Variants in CACNA1C observed in about 807,000 individuals in gnomAD.
CACNA1C encodes voltage-dependent L-type calcium channel subunit alpha-1C.
CACNA1C carries 30 observed loss-of-function variants against 229.0 expected under a neutral mutation model. The ratio of observed to expected loss-of-function variants is 0.13; its 90% CI spans 0.10 to 0.18. CACNA1C has a LOEUF of 0.18. CACNA1C is among the 10% of genes least tolerant of loss of function. The pLI is 1.00. For missense variants in CACNA1C, 1,658 were observed against 2,845.0 expected, an observed-to-expected ratio of 0.58 and a Z score of 9.49; for synonymous variants, 1,114 against 1,132.5, an observed-to-expected ratio of 0.98 and a Z score of 0.33.
rs536588948 is a variant in CACNA1C at position 2,044,114 on chromosome 12, C to G, written c.140-71110C>G. Among the ~76,000 whole-genome samples the G allele has an allele frequency of 6.0e-4, 92 of 152,098 alleles. 4 individuals are homozygous for G. In the South Asian group the frequency reaches 0.018, roughly 30 times the overall value. ...CAAAAAATCATTATGTAAGCAGGAC[C>G]GAACATGACAAAGGCAGAAAATTTG... On this transcript the variant is annotated intron_variant, in intron 1 of 46. Transcript: ENST00000682462.
At chr12:2,072,805 A>C (rs1388180800) in intron 1 of CACNA1C, among the ~76,000 whole-genome samples, 1 of 152,228 alleles carries the variant, frequency 6.6e-6, no homozygotes, top group Non-Finnish European at 1.5e-5. Context: ...AGGGAACCGA[A>C]GACAGGGCAG....
chr12:2,454,917 G>A (rs1230481579), intron 4 of CACNA1C, among the ~76,000 whole-genome samples: 4 of 152,170 alleles, frequency 2.6e-5, no homozygotes, highest in African/African-American at 4.8e-5. Flanking sequence ...CTGACAATGC[G>A]CCTTCTCACT....
In CACNA1C at chr12:2,646,635, CG is replaced by C. The variant is rs1343796730; in HGVS notation, c.3913-1836del. ...GGGAGCTCAAGCACTGGGCCAGGAG[CG>C]GGGCAGAAAGGTGCCAGTGGATAGC... On this transcript the variant is annotated intron_variant, in intron 30 of 46. Transcript: ENST00000399655. The surrounding 1 kb of genome is among the most constrained non-coding windows in gnomAD (Gnocchi z 4.6). 9 of 152,172 alleles carry C rather than the reference CG, an allele frequency of 5.9e-5. No individual in the cohort carries two copies. Among genetic ancestry groups the C allele is most frequent in the African/African-American group, 2.2e-4 (9 of 41,412 alleles). 9.4% of individuals were successfully genotyped at this position (152,172 alleles called of 1,614,324 possible).
chr12:2,156,805 C>G (rs555735595), intron 3 of CACNA1C, among the ~76,000 whole-genome samples: 2 of 152,224 alleles, frequency 1.3e-5, no homozygotes, highest in South Asian at 4.1e-4. Context: ...ATGTCCATTT[C>G]TCCCCCAGCA....
chr12:2,578,160 G>A (rs552019404), intron 13 of CACNA1C, among the ~76,000 whole-genome samples: 66 of 152,320 alleles, frequency 4.3e-4, no homozygotes, highest in South Asian at 1.5e-3. Flanking sequence ...GAGCCACCGC[G>A]CCCGGCCAGA....
chr12:2,416,328 A>G (rs1417384696), intron 3 of CACNA1C, among the ~76,000 whole-genome samples: 1 of 152,132 alleles, frequency 6.6e-6, no homozygotes, highest in African/African-American at 2.4e-5. Context: ...TCTATCGGAA[A>G]GGAAAAGGAA....
intron 3 of CACNA1C, among the ~76,000 whole-genome samples, chr12:2,256,365 C>T (rs1250102641): frequency 1.3e-5 from 2 of 152,196 alleles, no homozygotes; most frequent in Non-Finnish European, 2.9e-5. Flanking sequence ...AACTGTTTTG[C>T]TAAGTCTAGC....
At chr12:2,526,285 T>A (rs181953855) in intron 9 of CACNA1C, among the ~76,000 whole-genome samples, 14 of 152,224 alleles carry the variant, frequency 9.2e-5, no homozygotes, top group Non-Finnish European at 1.5e-5. Context: ...CCCTACCCCA[T>A]GTGGGGGCTG....
chr12:2,540,355 C>T (rs889330491), intron 9 of CACNA1C, among the ~76,000 whole-genome samples: 3 of 152,020 alleles, frequency 2.0e-5, no homozygotes, highest in South Asian at 2.1e-4. Flanking sequence ...TCACCGACTC[C>T]GGAGTCACAG....
intron 3 of CACNA1C, among the ~76,000 whole-genome samples, chr12:2,164,369 G>C (rs1382826827): frequency 2.0e-5 from 3 of 152,216 alleles, no homozygotes. Flanking sequence ...CCAGAGACCA[G>C]GTTTTGTTGC....
At chr12:2,448,111 T>A (rs2099317416) in intron 3 of CACNA1C, among the ~76,000 whole-genome samples, 1 of 152,198 alleles carries the variant, frequency 6.6e-6, no homozygotes, top group African/African-American at 2.4e-5. Flanking sequence ...CGTGCATGAA[T>A]CAGCACAGAG....
At chr12:2,301,906 C>G (rs977724430) in intron 3 of CACNA1C, among the ~76,000 whole-genome samples, 2 of 152,156 alleles carry the variant, frequency 1.3e-5, no homozygotes, top group African/African-American at 2.4e-5. Context: ...TGAGAGGAGA[C>G]TCGTGGGCAG....
Position 2,597,445 on chromosome 12 carries a change from C to A in CACNA1C, c.2853+156C>A. On this transcript the variant is annotated intron_variant, in intron 21 of 46. Coordinates refer to ENST00000399655, the MANE Select transcript of CACNA1C (RefSeq NM_000719.7). This position sits in a 1 kb window ranked among gnomAD's most constrained non-coding sequence, Gnocchi z 4.3. ...TTATGCTTATTTTTCAGATCCTAGG[C>A]AATGCAGACTATGTCTTCACTAGTA... The A allele has an allele frequency of 6.2e-7, 1 of 1,609,214 alleles. No individual in the cohort carries two copies. The highest frequency in any genetic ancestry group is 1.1e-5 in the South Asian group (1 of 90,974).
intron 3 of CACNA1C, among the ~76,000 whole-genome samples, chr12:2,378,564 G>A (rs1174929671): frequency 1.3e-5 from 2 of 152,192 alleles, no homozygotes; most frequent in African/African-American, 2.4e-5. Context: ...CAAGAGGGGA[G>A]CAGTTGTCTA....
At chr12:2,494,915 G>A (rs1235779561) in intron 7 of CACNA1C, among the ~76,000 whole-genome samples, 1 of 152,176 alleles carries the variant, frequency 6.6e-6, no homozygotes, top group Non-Finnish European at 1.5e-5. Context: ...TGCCAGGGGT[G>A]CTCCTAGGCT....
At chr12:2,043,682 T>A (rs1420227593) in intron 1 of CACNA1C, among the ~76,000 whole-genome samples, 25 of 131,432 alleles carry the variant, frequency 1.9e-4, no homozygotes, top group African/African-American at 7.1e-4. Context: ...AGAGTCTCGC[T>A]CTGTCGCCCA....
intron 12 of CACNA1C, among the ~76,000 whole-genome samples, chr12:2,567,077 G>A (rs1028063904): frequency 6.6e-6 from 1 of 152,184 alleles, no homozygotes; most frequent in Non-Finnish European, 1.5e-5. Flanking sequence ...CTAGACGAGG[G>A]TCCCACTAGC....
intron 38 of CACNA1C, among the ~76,000 whole-genome samples, chr12:2,670,325 G>A (rs1399388593): frequency 6.6e-6 from 1 of 152,152 alleles, no homozygotes; most frequent in Non-Finnish European, 1.5e-5. Flanking sequence ...GCTCGAATCC[G>A]AGTCCCTGCT....
intron 1 of CACNA1C, among the ~76,000 whole-genome samples, chr12:2,087,571 C>T (rs1447562469): frequency 6.6e-6 from 1 of 151,802 alleles, no homozygotes; most frequent in South Asian, 2.1e-4. Flanking sequence ...TTTTGTTACT[C>T]TGAAAAAGAA....
Sources: gnomAD v4.1 joint callset for allele counts (sites outside exome capture counted in the v4.1 genomes callset) on GRCh38, gnomAD v4.1.1 for gene constraint, Gnocchi (gnomAD v3.1) non-coding constraint, MANE v1.5 for transcripts, NCBI Gene and HGNC (gene_info 2026-07-23, HGNC 2026-07-21) for gene names.